RORC: variants seen among roughly 807,000 people sequenced by gnomAD.
RORC encodes RAR related orphan receptor C.
In RORC, 13 loss-of-function variants were observed where a neutral mutation model predicts 64.5. The ratio of observed to expected loss-of-function variants is 0.20; its 90% CI spans 0.13 to 0.32. RORC has a LOEUF of 0.32. Ranked by LOEUF, RORC falls within the 10% of genes least tolerant of loss-of-function variation. RORC has a pLI of 1.00. For synonymous variants in RORC, 277 were observed against 259.3 expected (o/e 1.07, Z -0.65); for missense variants, 468 against 669.5 (o/e 0.70, Z 3.32).
rs181717179 is a variant in RORC at position 151,807,876 on chromosome 1, A to C, written c.1396-243T>G. ...GGTGAAGCCCTCAATTTATGTTCCC[A>C]ATACTTCTAGAATGAACCTTGTCAA... On this transcript the variant is annotated intron_variant, in intron 10 of 10. Transcript: ENST00000318247. The surrounding 1 kb of genome is among the most constrained non-coding windows in gnomAD (Gnocchi z 5.0). Among the ~76,000 whole-genome samples, 25 of 152,270 alleles carry C rather than the reference A, an allele frequency of 1.6e-4. No individual in the cohort carries two copies. The highest frequency in any genetic ancestry group is 3.5e-4 in the Non-Finnish European group (24 of 68,012).
At chr1:151,831,674 T>TGAAC (rs1303201416) in intron 1 of RORC, 51 bp downstream of exon 1, 2 of 1,609,724 alleles carry the variant, frequency 1.2e-6, no homozygotes, top group Non-Finnish European at 1.7e-6. Flanking sequence ...TGCCCTCCTC[T>TGAAC]GAACCTCCAG....
chr1:151,824,087 T>C (rs1402127460), intron 2 of RORC, among the ~76,000 whole-genome samples: 1 of 152,086 alleles, frequency 6.6e-6, no homozygotes, highest in African/African-American at 2.4e-5. Context: ...GTCGGGCCCT[T>C]GGTCTCTGGG....
chr1:151,814,552 C>T (rs972194795), intron 6 of RORC, 22 bp downstream of exon 6: 1 of 1,602,138 alleles, frequency 6.2e-7, no homozygotes, highest in African/African-American at 1.3e-5. Flanking sequence ...ACGTTCCCTT[C>T]CTGCAGGTCT....
At chr1:151,817,487 C>T (rs188606497) in intron 2 of RORC, among the ~76,000 whole-genome samples, 3 of 152,296 alleles carry the variant, frequency 2.0e-5, no homozygotes, top group Admixed American at 1.3e-4. Flanking sequence ...GTTTGTTTCA[C>T]AGAGGAGGGG....
chr1:151,821,055 AT>A (rs1651976672), intron 2 of RORC, among the ~76,000 whole-genome samples: 1 of 152,212 alleles, frequency 6.6e-6, no homozygotes, highest in Non-Finnish European at 1.5e-5. Flanking sequence ...CCCCAGGAGC[AT>A]CCTAGTAGCT....
At chr1:151,816,552 GGA>G in intron 4 of RORC, 110 bp downstream of exon 4, 1 of 1,127,874 alleles carries the variant, frequency 8.9e-7, no homozygotes, top group Non-Finnish European at 1.2e-6. Flanking sequence ...GGAATGGAGA[GGA>G]GACCAGAGGA....
chr1:151,811,254 G>C (rs1423080841), intron 10 of RORC, 71 bp downstream of exon 10: 1 of 963,942 alleles, frequency 1.0e-6, no homozygotes, highest in Non-Finnish European at 1.6e-6. Flanking sequence ...ACAGACCCCG[G>C]CCCTCGCAAA....
intron 4 of RORC, among the ~76,000 whole-genome samples, chr1:151,816,237 A>C (rs759945591): frequency 6.6e-6 from 1 of 152,202 alleles, no homozygotes; most frequent in Non-Finnish European, 1.5e-5. Flanking sequence ...TTCTCAGGCC[A>C]ATTCTGTTTC....
intron 6 of RORC, 82 bp from the exon 7 acceptor site, chr1:151,813,702 A>C: frequency 6.7e-7 from 1 of 1,500,726 alleles, no homozygotes; most frequent in Non-Finnish European, 9.1e-7. Flanking sequence ...CACCTAATAA[A>C]CTGCAAGGGG....
intron 2 of RORC, among the ~76,000 whole-genome samples, chr1:151,827,990 C>T (rs915711096): frequency 2.6e-5 from 4 of 151,878 alleles, no homozygotes; most frequent in Admixed American, 1.3e-4. Context: ...CTCCCTGACC[C>T]GCTTTCCTCC....
At chr1:151,828,633 A>G (rs1047009214) in intron 2 of RORC, among the ~76,000 whole-genome samples, 1 of 152,062 alleles carries the variant, frequency 6.6e-6, no homozygotes, top group Non-Finnish European at 1.5e-5. Flanking sequence ...GCTTGTTCAC[A>G]CCTCAGGATG....
At chr1:151,829,288 C>T in intron 2 of RORC, 141 bp downstream of exon 2, 2 of 700,822 alleles carry the variant, frequency 2.9e-6, no homozygotes, top group Non-Finnish European at 4.7e-6. Flanking sequence ...CCTCGCACCT[C>T]CCCTTGCTTT....
chr1:151,814,424 G>A (rs1166074776), intron 6 of RORC, 150 bp downstream of exon 6: 6 of 727,802 alleles, frequency 8.2e-6, no homozygotes, highest in Admixed American at 2.8e-5. Context: ...ATTCGCAACT[G>A]TACATAAAAG....
chr1:151,825,879 G>A, intron 2 of RORC: 2 of 1,606,270 alleles, frequency 1.2e-6, no homozygotes, highest in Non-Finnish European at 1.7e-6. Flanking sequence ...TTCCAGAGGG[G>A]TGACGACAGG....
intron 2 of RORC, among the ~76,000 whole-genome samples, chr1:151,820,825 T>C (rs1164741859): frequency 6.6e-6 from 1 of 152,212 alleles, no homozygotes; most frequent in Admixed American, 6.5e-5. Flanking sequence ...CTAAGCTTAC[T>C]GGTCTTCAGC....
At chr1:151,814,457 G>T in intron 6 of RORC, 117 bp downstream of exon 6, 3 of 1,101,324 alleles carry the variant, frequency 2.7e-6, no homozygotes, top group East Asian at 2.6e-5. Flanking sequence ...TTGTTGGCCA[G>T]CCTGTGTCTG....
At chr1:151,818,305 A>G (rs1230207935) in intron 2 of RORC, among the ~76,000 whole-genome samples, 1 of 152,188 alleles carries the variant, frequency 6.6e-6, no homozygotes, top group African/African-American at 2.4e-5. Context: ...TTGTGAGCCT[A>G]CGACATATCT....
At chr1:151,816,041 T>C (rs146027350) in intron 4 of RORC, among the ~76,000 whole-genome samples, 2,072 of 152,316 alleles carry the variant, frequency 0.014, 143 homozygotes, top group Admixed American at 0.12. Context: ...GCTTTGTTAT[T>C]TTGGGCACTG....
chr1:151,829,766 G>T (rs962541409), intron 1 of RORC, among the ~76,000 whole-genome samples: 8 of 152,036 alleles, frequency 5.3e-5, no homozygotes, highest in East Asian at 3.9e-4. Flanking sequence ...TCTCCCTCAG[G>T]TCTCTGATTA....
Sources: gnomAD v4.1 joint callset for allele counts (sites outside exome capture counted in the v4.1 genomes callset) on GRCh38, gnomAD v4.1.1 for gene constraint, Gnocchi (gnomAD v3.1) non-coding constraint, MANE v1.5 for transcripts, NCBI Gene and HGNC (gene_info 2026-07-23, HGNC 2026-07-21) for gene names.